Variants in ADGRF5 observed in about 807,000 individuals in gnomAD.
The protein encoded by ADGRF5 is adhesion G protein-coupled receptor F5, also known as G-protein coupled receptor 116.
Under a neutral mutation model 132.3 loss-of-function variants are expected in ADGRF5, and 75 were observed. The observed-to-expected ratio is 0.57, with a 90% CI of 0.47 to 0.69. The LOEUF is 0.69. Ranked by LOEUF, ADGRF5 falls within the 30% of genes least tolerant of loss-of-function variation. The probability of loss-of-function intolerance (pLI) is 0.00; values close to 1 mark genes in which losing one functional copy is unlikely to be tolerated. For missense variants in ADGRF5, 1,516 were observed against 1,630.6 expected (o/e 0.93, Z 1.21); for synonymous variants, 629 against 597.6 (o/e 1.05, Z -0.77).
At chr6:46,871,590 AATGCCCCGGG>A (rs1248278572) in intron 11 of ADGRF5, among the ~76,000 whole-genome samples, 1 of 152,136 alleles carries the variant, frequency 6.6e-6, no homozygotes, top group African/African-American at 2.4e-5. Context: ...TTACTCAGAG[AATGCCCCGGG>A]GTTCCTTCCT....
upstream of ADGRF5, among the ~76,000 whole-genome samples, chr6:46,925,117 C>T (rs533640424): frequency 2.0e-5 from 3 of 152,220 alleles, no homozygotes; most frequent in African/African-American, 4.8e-5. Context: ...GCCAGTGAGA[C>T]CTTCATGATC....
intron 20 of ADGRF5, chr6:46,854,891 A>T: frequency 2.7e-6 from 1 of 373,008 alleles, no homozygotes; most frequent in Non-Finnish European, 4.7e-6. Context: ...AATTCATCAA[A>T]TTGAAGCAGA....
intron 17 of ADGRF5, among the ~76,000 whole-genome samples, chr6:46,857,371 T>C (rs1257370584): frequency 1.3e-5 from 2 of 152,210 alleles, no homozygotes; most frequent in African/African-American, 4.8e-5. Flanking sequence ...AAGCAGTATC[T>C]CGAGTGTGCC....
At chr6:46,881,418 A>G (rs1301845083) in intron 8 of ADGRF5, 37 bp downstream of exon 8, 4 of 1,575,648 alleles carry the variant, frequency 2.5e-6, no homozygotes, top group East Asian at 2.2e-5. Context: ...ACGCATAACC[A>G]TAAATAACAT....
intron 14 of ADGRF5, 42 bp from the exon 15 acceptor site, chr6:46,863,138 G>T (rs1352781164): frequency 4.2e-6 from 6 of 1,416,710 alleles, no homozygotes; most frequent in South Asian, 2.3e-5. Context: ...TTGCAAGGAA[G>T]AGACAATATA....
At chr6:46,942,264 C>A (rs1778117964) in intron 1 of ADGRF5, among the ~76,000 whole-genome samples, 1 of 152,206 alleles carries the variant, frequency 6.6e-6, no homozygotes, top group African/African-American at 2.4e-5. Flanking sequence ...CCACCTCACA[C>A]CCCACCCCAG....
intron 1 of ADGRF5, among the ~76,000 whole-genome samples, chr6:46,930,940 G>C (rs1308271818): frequency 1.3e-5 from 2 of 152,110 alleles, no homozygotes; most frequent in African/African-American, 4.8e-5. Flanking sequence ...TGTAGTCCTA[G>C]CTACCAGGGA....
chr6:46,871,931 A>G lies in ADGRF5; in HGVS notation c.1323T>C (p.Ser441=). Residue 441 remains serine, a synonymous_variant, in exon 11 of 21, where the codon TCT becomes TCC. Coordinates refer to ENST00000283296, the MANE Select transcript of ADGRF5 (RefSeq NM_001098518.2). ...ADGTQCPSGS[S]GTTVIYTCEF... ...CACAAGTGTAGATGACTGTTGTTCC[A>G]GACGACCCGCTTGGGCACTGGGTTC... 6.2e-7 allele frequency: 1 copy of G among 1,612,534 alleles called. No homozygotes were observed. Among genetic ancestry groups the G allele is most frequent in the African/African-American group, 1.3e-5 (1 of 74,894 alleles).
intron 1 of ADGRF5, among the ~76,000 whole-genome samples, chr6:46,941,844 G>A (rs1778103448): frequency 6.6e-6 from 1 of 152,098 alleles, no homozygotes; most frequent in Admixed American, 6.5e-5. Flanking sequence ...CATTATCAGG[G>A]CTTCTGCCTA....
chr6:46,859,622 G>A (rs1769497870), intron 16 of ADGRF5, 99 bp from the exon 17 acceptor site: 1 of 745,166 alleles, frequency 1.3e-6, no homozygotes, highest in African/African-American at 1.8e-5. Context: ...ATAAAGGTAA[G>A]AGGAAATGAG....
chr6:46,905,562 A>C (rs1775261775), intron 2 of ADGRF5: 1 of 152,228 alleles, frequency 6.6e-6, no homozygotes, highest in East Asian at 1.9e-4. Context: ...TTACAAGAGA[A>C]TCATAAAACA....
intron 9 of ADGRF5, 79 bp downstream of exon 9, chr6:46,879,739 C>T (rs1007748070): frequency 2.2e-5 from 21 of 968,984 alleles, no homozygotes; most frequent in Admixed American, 3.5e-5. Context: ...TACATAGCTA[C>T]GTAAAACACT....
chr6:46,858,631 A>G lies in ADGRF5; in HGVS notation c.3272T>C (p.Phe1091Ser). 6.2e-7 allele frequency: 1 copy of G among 1,614,166 alleles called. No homozygotes were observed. The highest frequency in any genetic ancestry group is 8.5e-7 in the Non-Finnish European group (1 of 1,180,024). The change falls in exon 17 of 21, where the codon TTC becomes TCC. Residue 1091 changes from phenylalanine (F) to serine (S), a missense_variant. Phe to Ser is a radical substitution (Grantham distance 155, BLOSUM62 -2). Coordinates refer to ENST00000283296, the MANE Select transcript of ADGRF5 (RefSeq NM_001098518.2). ...LCKTACVAATFFIHFFYLSVF... is the reference protein window; with the variant it reads ...LCKTACVAATSFIHFFYLSVF... ...GCTGAGGTAGAAGAAGTGGATGAAG[A>G]AGGTGGCAGCCACACAGGCTGTCTT...
chr6:46,949,221 CTT>C (rs1394538871), intron 1 of ADGRF5, among the ~76,000 whole-genome samples: 13 of 152,190 alleles, frequency 8.5e-5, no homozygotes, highest in Non-Finnish European at 1.8e-4. Context: ...CTGCTGCTTT[CTT>C]CCCCCAGGAT....
chr6:46,953,663 A>ATAGATATAGATATATG (rs1554131430), intron 1 of ADGRF5, among the ~76,000 whole-genome samples: 3 of 127,722 alleles, frequency 2.3e-5, no homozygotes, highest in African/African-American at 1.0e-4. Context: ...ATATATATAT[A>ATAGATATAGATATATG]TATATATATA....
At chr6:46,888,106 C>T in intron 4 of ADGRF5, 1 of 439,522 alleles carries the variant, frequency 2.3e-6, no homozygotes, top group Non-Finnish European at 4.1e-6. Flanking sequence ...ATCATACAAA[C>T]CACCAAGCAA....
chr6:46,889,889 C>T (rs567580456), intron 3 of ADGRF5, among the ~76,000 whole-genome samples: 1 of 151,742 alleles, frequency 6.6e-6, no homozygotes, highest in African/African-American at 2.4e-5. Context: ...TTTCACTTCT[C>T]TTAGCCTTAC....
chr6:46,863,581 C>T (rs765799766), intron 14 of ADGRF5, among the ~76,000 whole-genome samples: 3 of 152,146 alleles, frequency 2.0e-5, no homozygotes, highest in Non-Finnish European at 4.4e-5. Flanking sequence ...TATGTTTAAG[C>T]ATTTGTTCCT....
chr6:46,869,499 T>C (rs989787977), intron 11 of ADGRF5: 3 of 392,820 alleles, frequency 7.6e-6, no homozygotes, highest in African/African-American at 4.4e-5. Context: ...ATCTCTACTC[T>C]TTTAAAATAC....
Sources: gnomAD v4.1 joint callset for allele counts (sites outside exome capture counted in the v4.1 genomes callset) on GRCh38, gnomAD v4.1.1 for gene constraint, MANE v1.5 for transcripts, NCBI Gene and HGNC (gene_info 2026-07-23, HGNC 2026-07-21) for gene names.